The following SLC43A2 variants were observed in gnomAD, a reference collection of about 807,000 sequenced individuals.
SLC43A2 encodes the protein large neutral amino acids transporter small subunit 4.
SLC43A2 carries 38 observed loss-of-function variants against 63.2 expected under a neutral mutation model. The ratio of observed to expected loss-of-function variants is 0.60; its 90% CI spans 0.46 to 0.79. The LOEUF (loss-of-function observed/expected upper bound fraction) is 0.79, where lower values mean the gene tolerates loss of function less well. Among genes scored for constraint, SLC43A2 ranks in the 30% least tolerant of loss-of-function variants. The pLI is 0.00. For missense variants in SLC43A2, 644 were observed against 756.2 expected (o/e 0.85, Z 1.74); for synonymous variants, 322 against 331.0 (o/e 0.97, Z 0.30).
chr17:1,617,110 G>A (rs572564375), intron 2 of SLC43A2, among the ~76,000 whole-genome samples: 45 of 152,284 alleles, frequency 3.0e-4, no homozygotes, highest in Non-Finnish European at 5.7e-4. Context: ...AGTCCCATTC[G>A]AGAGCATCCG....
chr17:1,575,799 G>C (rs770787187), intron 13 of SLC43A2, 34 bp from the exon 14 acceptor site: 1 of 1,575,874 alleles, frequency 6.3e-7, no homozygotes, highest in South Asian at 1.1e-5. Flanking sequence ...ATCACAGGGC[G>C]TGGTGGTGCG....
Position 1,578,412 on chromosome 17 carries a change from C to G in SLC43A2, c.1351-89G>C. 8.5e-6 allele frequency: 11 copies of G among 1,293,580 alleles called. No homozygotes were observed. In the South Asian group the frequency reaches 1.4e-4, roughly 17 times the overall value. The allele number at this position is 1,293,580 out of a possible 1,614,324, so 80.1% of individuals were successfully genotyped here. ...CTCCAATTCCTGGGGGCCCTCACCC[C>G]AGGGGCAGTGTCAGCCTGGAGTTGG... On this transcript the variant is annotated intron_variant, in intron 11 of 13. Transcript: ENST00000301335. This position sits in a 1 kb window ranked among gnomAD's most constrained non-coding sequence, Gnocchi z 6.5.
intron 5 of SLC43A2, among the ~76,000 whole-genome samples, chr17:1,594,952 T>G (rs2151050697): frequency 6.6e-6 from 1 of 151,784 alleles, no homozygotes; most frequent in Non-Finnish European, 1.5e-5. Context: ...AATCCCAGAG[T>G]GCTGCCTTTG....
At chr17:1,613,292 C>T (rs1228582047) in intron 4 of SLC43A2, 21 bp from the exon 5 acceptor site, 4 of 1,613,280 alleles carry the variant, frequency 2.5e-6, no homozygotes, top group Non-Finnish European at 2.5e-6. Context: ...ATGGAAAGCT[C>T]GTGAGTGGAG....
chr17:1,581,654 A>G (rs2076015848), intron 11 of SLC43A2, among the ~76,000 whole-genome samples: 1 of 152,222 alleles, frequency 6.6e-6, no homozygotes, highest in East Asian at 1.9e-4. Flanking sequence ...TCCCTCCACC[A>G]TTTGTAAATT....
intron 5 of SLC43A2, among the ~76,000 whole-genome samples, chr17:1,600,682 C>T (rs574228492): frequency 6.6e-6 from 1 of 150,514 alleles, no homozygotes; most frequent in East Asian, 2.0e-4. Context: ...GCCTCCCGAG[C>T]AGCTGGGATG....
At chr17:1,601,383 A>T (rs753421118) in intron 5 of SLC43A2, among the ~76,000 whole-genome samples, 1 of 152,054 alleles carries the variant, frequency 6.6e-6, no homozygotes, top group Non-Finnish European at 1.5e-5. Context: ...CGAGATGGCT[A>T]ATAAGCACTC....
At chr17:1,624,959 C>CG (rs1321273523) in intron 2 of SLC43A2, among the ~76,000 whole-genome samples, 1 of 152,086 alleles carries the variant, frequency 6.6e-6, no homozygotes, top group Admixed American at 6.5e-5. Context: ...CCTGTTGAAG[C>CG]GGGGGCCACT....
intron 2 of SLC43A2, among the ~76,000 whole-genome samples, chr17:1,621,681 A>C (rs539857780): frequency 3.3e-5 from 5 of 152,296 alleles, no homozygotes; most frequent in African/African-American, 9.6e-5. Flanking sequence ...CGCCCACCCC[A>C]TATTCCCCAC....
chr17:1,584,214 C>A (rs1012069095), intron 10 of SLC43A2, among the ~76,000 whole-genome samples: 5 of 152,170 alleles, frequency 3.3e-5, no homozygotes, highest in Middle Eastern at 3.4e-3. Context: ...GCAATTATCT[C>A]TCGTGAATGA....
intron 5 of SLC43A2, among the ~76,000 whole-genome samples, chr17:1,607,201 T>C (rs1227983395): frequency 1.3e-5 from 2 of 152,192 alleles, no homozygotes; most frequent in African/African-American, 4.8e-5. Flanking sequence ...TTGTTGAAGA[T>C]TGGAGTTAGA....
chr17:1,605,220 G>T lies in SLC43A2; in HGVS notation c.501+7975C>A. The T allele has an allele frequency of 2.7e-6, 3 of 1,111,072 alleles. No homozygotes were observed. The highest frequency in any genetic ancestry group is 3.3e-6 in the Non-Finnish European group (3 of 904,336). The allele number at this position is 1,111,072 out of a possible 1,614,324, so 68.8% of individuals were successfully genotyped here. A position where few individuals can be genotyped will look rare whatever the true frequency, so the allele number is the denominator to read the frequency against. ...CCTCCACGCAGCCTCAGTCACACAG[G>T]GAAGCCCGTGACTCTCTCTCTTTCA... On this transcript the variant is annotated intron_variant, in intron 5 of 13. Transcript: ENST00000301335. This position sits in a 1 kb window ranked among gnomAD's most constrained non-coding sequence, Gnocchi z 4.9.
chr17:1,578,435 TG>T lies in SLC43A2; in HGVS notation c.1351-113del. On this transcript the variant is annotated intron_variant, in intron 11 of 13. Coordinates refer to ENST00000301335, the MANE Select transcript of SLC43A2 (RefSeq NM_152346.3). This position sits in a 1 kb window ranked among gnomAD's most constrained non-coding sequence, Gnocchi z 6.5. ...CCCAGGGGCAGTGTCAGCCTGGAGT[TG>T]GATCAACCCCATCCTCCGGAGCCAA... 4.0e-6 allele frequency: 4 copies of T among 993,678 alleles called. No homozygotes were observed. The highest frequency in any genetic ancestry group is 6.0e-6 in the Non-Finnish European group (4 of 671,206). The allele number at this position is 993,678 out of a possible 1,614,324, so 61.6% of individuals were successfully genotyped here.
chr17:1,605,170 G>A lies in SLC43A2; in HGVS notation c.501+8025C>T. ...GCCTCCGTGCGGGTCAACCTGTCCT[G>A]CCAGCCCGGGCTGTTCACTCACTGC... On this transcript the variant is annotated intron_variant, in intron 5 of 13. Transcript: ENST00000301335. This position sits in a 1 kb window ranked among gnomAD's most constrained non-coding sequence, Gnocchi z 4.9. The A allele has an allele frequency of 8.3e-7, 1 of 1,200,240 alleles. No individual in the cohort carries two copies. 74.3% of individuals were successfully genotyped at this position (1,200,240 alleles called of 1,614,324 possible). A position where few individuals can be genotyped will look rare whatever the true frequency, so the allele number is the denominator to read the frequency against.
intron 10 of SLC43A2, 114 bp downstream of exon 10, chr17:1,585,798 TG>T (rs756599435): frequency 1.6e-4 from 259 of 1,602,126 alleles, no homozygotes; most frequent in Non-Finnish European, 2.1e-4. Context: ...CGGGAGCAGC[TG>T]GAGTGCATTG....
chr17:1,611,525 C>T (rs1200734505), intron 5 of SLC43A2, among the ~76,000 whole-genome samples: 2 of 151,640 alleles, frequency 1.3e-5, no homozygotes, highest in Non-Finnish European at 2.9e-5. Flanking sequence ...GTCCCAACTA[C>T]TCGGGAGGCT....
intron 5 of SLC43A2, among the ~76,000 whole-genome samples, chr17:1,596,289 A>G (rs1208092407): frequency 6.6e-6 from 1 of 151,932 alleles, no homozygotes; most frequent in African/African-American, 2.4e-5. Flanking sequence ...ACTGCACTCT[A>G]GCCTGGGCAA....
At chr17:1,604,577 C>T in intron 5 of SLC43A2, 3 of 717,182 alleles carry the variant, frequency 4.2e-6, no homozygotes, top group Non-Finnish European at 4.6e-6. Flanking sequence ...CTCATCAACA[C>T]AGCACGCTAT....
rs758070149 is a variant in SLC43A2 at position 1,591,512 on chromosome 17, C to A, written c.729-41G>T. The A allele has an allele frequency of 2.5e-6, 4 of 1,611,128 alleles. No individual in the cohort carries two copies. In the African/African-American group the frequency reaches 4.0e-5, roughly 16 times the overall value. On this transcript the variant is annotated intron_variant, in intron 7 of 13. Coordinates refer to ENST00000301335, the MANE Select transcript of SLC43A2 (RefSeq NM_152346.3). The stretch of plus-strand genomic sequence containing the variant: ...AGTGTCTGTGGGTGCTGCCCGGGAC[C>A]CCGGCTGGGGGGCGGGGGCTGGGGG...
Sources: gnomAD v4.1 joint callset for allele counts (sites outside exome capture counted in the v4.1 genomes callset) on GRCh38, gnomAD v4.1.1 for gene constraint, Gnocchi (gnomAD v3.1) non-coding constraint, MANE v1.5 for transcripts, NCBI Gene and HGNC (gene_info 2026-07-23, HGNC 2026-07-21) for gene names.